The following ATP2B4 variants were observed in gnomAD, a reference collection of about 807,000 sequenced individuals.
ATP2B4 encodes the protein plasma membrane calcium-transporting ATPase 4.
A neutral mutation model predicts 110.3 loss-of-function variants in ATP2B4; 39 were observed. The observed-to-expected ratio is 0.35, with a 90% CI of 0.27 to 0.46. The LOEUF is 0.46. Among genes scored for constraint, ATP2B4 ranks in the 20% least tolerant of loss-of-function variants. The probability of loss-of-function intolerance (pLI) is 1.00; values close to 1 mark genes in which losing one functional copy is unlikely to be tolerated. For missense variants in ATP2B4, 1,135 were observed against 1,530.9 expected (o/e 0.74, Z 4.32); for synonymous variants, 538 against 571.7 (o/e 0.94, Z 0.84).
At chr1:203,662,383 G>T (rs1407844934) in intron 1 of ATP2B4, among the ~76,000 whole-genome samples, 1 of 151,974 alleles carries the variant, frequency 6.6e-6, no homozygotes, top group Non-Finnish European at 1.5e-5. Context: ...CCCAGTGTAG[G>T]TTTCCCATCA....
At chr1:203,655,900 G>GTGTTT (rs1283852231) in intron 1 of ATP2B4, among the ~76,000 whole-genome samples, 3 of 151,710 alleles carry the variant, frequency 2.0e-5, no homozygotes, top group African/African-American at 7.3e-5. Flanking sequence ...CATTAGCGTT[G>GTGTTT]TGTTTTGTTT....
At chr1:203,646,871 C>T (rs533030820) in intron 1 of ATP2B4, among the ~76,000 whole-genome samples, 6 of 152,282 alleles carry the variant, frequency 3.9e-5, no homozygotes, top group Non-Finnish European at 5.9e-5. Flanking sequence ...AAAACTAAAA[C>T]GTTCACAAGT....
intron 1 of ATP2B4, among the ~76,000 whole-genome samples, chr1:203,676,398 TAAG>T (rs1664830004): frequency 6.6e-6 from 1 of 151,942 alleles, no homozygotes. Flanking sequence ...GTCATGGAAA[TAAG>T]GAGCCTGTGA....
At chr1:203,725,793 G>A (rs1571769238) in intron 19 of ATP2B4, among the ~76,000 whole-genome samples, 1 of 151,506 alleles carries the variant, frequency 6.6e-6, no homozygotes, top group South Asian at 2.1e-4. Flanking sequence ...GCCCTAACTG[G>A]CCTCAAAGAG....
Position 203,714,074 on chromosome 1 carries a change from G to A in ATP2B4, c.2300-97G>A, listed in dbSNP as rs184868156. On this transcript the variant is annotated intron_variant, in intron 14 of 20. Coordinates refer to ENST00000357681, the MANE Select transcript of ATP2B4 (RefSeq NM_001684.5). Reference sequence around the variant, plus strand: ...TGTAGAACTTCTAGGAAAGGGAAAAGGGAAGGAAAGAAGAAAGTAGAAGGA... The same window carrying A: ...TGTAGAACTTCTAGGAAAGGGAAAAAGGAAGGAAAGAAGAAAGTAGAAGGA... 31 of 1,195,220 alleles carry A rather than the reference G, an allele frequency of 2.6e-5. No individual in the cohort carries two copies. In the Middle Eastern group the frequency reaches 5.7e-4, roughly 22 times the overall value. 74.0% of individuals were successfully genotyped at this position (1,195,220 alleles called of 1,614,324 possible). A position where few individuals can be genotyped will look rare whatever the true frequency, so the allele number is the denominator to read the frequency against.
intron 1 of ATP2B4, among the ~76,000 whole-genome samples, chr1:203,631,889 G>A (rs933738183): frequency 1.3e-5 from 2 of 152,110 alleles, no homozygotes; most frequent in African/African-American, 4.8e-5. Flanking sequence ...CTGCCTTCCG[G>A]GTTCAAGCAA....
chr1:203,706,743 G>C (rs1665859917), intron 8 of ATP2B4, among the ~76,000 whole-genome samples: 1 of 152,204 alleles, frequency 6.6e-6, no homozygotes, highest in Non-Finnish European at 1.5e-5. Context: ...CAGGCCCAGA[G>C]AGGGTCAATG....
At chr1:203,644,267 A>G (rs1338298108) in intron 1 of ATP2B4, among the ~76,000 whole-genome samples, 1 of 151,940 alleles carries the variant, frequency 6.6e-6, no homozygotes, top group Non-Finnish European at 1.5e-5. Context: ...AAAAAAAAAA[A>G]AAAAGAATGC....
intron 1 of ATP2B4, among the ~76,000 whole-genome samples, chr1:203,634,864 G>A (rs890582308): frequency 3.9e-5 from 6 of 152,132 alleles, no homozygotes; most frequent in African/African-American, 7.2e-5. Context: ...GGGTTTCACC[G>A]TGTTGTCCAG....
rs1482001036 is a variant in ATP2B4, at chr1:203,629,109, A to G, written c.-465+1890A>G. Reference sequence around the variant, plus strand: ...AGGAGAGCTCATCTCGGGGCTGGGGATGCAACAGGAACGATTTGATTTTCA... The same window carrying G: ...AGGAGAGCTCATCTCGGGGCTGGGGGTGCAACAGGAACGATTTGATTTTCA... On this transcript the variant is annotated intron_variant, in intron 1 of 20. Transcript: ENST00000357681. This position sits in a 1 kb window ranked among gnomAD's most constrained non-coding sequence, Gnocchi z 4.6. 1.3e-5 allele frequency among the ~76,000 whole-genome samples: 2 copies of G among 152,116 alleles called. No individual in the cohort carries two copies. The highest frequency in any genetic ancestry group is 2.9e-5 in the Non-Finnish European group (2 of 68,000).
intron 1 of ATP2B4, among the ~76,000 whole-genome samples, chr1:203,662,476 A>G (rs191057328): frequency 6.6e-6 from 1 of 152,234 alleles, no homozygotes; most frequent in Non-Finnish European, 1.5e-5. Flanking sequence ...TCCCCACTCC[A>G]TCCAGCCTGT....
At chr1:203,714,969 G>A (rs1571755348) in intron 15 of ATP2B4, among the ~76,000 whole-genome samples, 1 of 152,146 alleles carries the variant, frequency 6.6e-6, no homozygotes, top group South Asian at 2.1e-4. Context: ...TGCAAAAATA[G>A]GGAGAATTGA....
intron 1 of ATP2B4, among the ~76,000 whole-genome samples, chr1:203,674,470 T>C (rs1426934986): frequency 7.2e-6 from 1 of 139,758 alleles, no homozygotes; most frequent in Non-Finnish European, 1.6e-5. Flanking sequence ...GACTGCCCTT[T>C]CTCATCTTGA....
intron 2 of ATP2B4, among the ~76,000 whole-genome samples, chr1:203,695,643 CAA>C (rs1558037706): frequency 6.6e-6 from 1 of 152,142 alleles, no homozygotes; most frequent in Non-Finnish European, 1.5e-5. Context: ...AATGTGGTCT[CAA>C]AAGAGGGCCC....
chr1:203,687,279 AAAGAAAGG>A (rs1411317499), intron 2 of ATP2B4, among the ~76,000 whole-genome samples: 6 of 148,902 alleles, frequency 4.0e-5, no homozygotes, highest in Admixed American at 3.4e-4. Context: ...AAAAGAAAGA[AAAGAAAGG>A]AAGAAAGAAA....
chr1:203,703,164 CGAGAGAGAGAGAGA>C lies in ATP2B4; in HGVS notation c.938-467_938-454del, dbSNP rs144760902. Reference sequence around the variant, plus strand: ...GGGTATGTGTTTCTTCCCTGACAATCGAGAGAGAGAGAGAGAGAGAGAGAGAGAGAGAGATAAAC... The same window carrying C: ...GGGTATGTGTTTCTTCCCTGACAATCGAGAGAGAGAGAGAGAGAGATAAAC... On this transcript the variant is annotated intron_variant, in intron 7 of 20. Coordinates refer to ENST00000357681, the MANE Select transcript of ATP2B4 (RefSeq NM_001684.5). 8.3e-5 allele frequency among the ~76,000 whole-genome samples: 12 copies of C among 145,250 alleles called. No individual in the cohort carries two copies. The South Asian group carries it at 8.8e-4, about 11-fold the overall frequency.
intron 1 of ATP2B4, among the ~76,000 whole-genome samples, chr1:203,666,935 T>C (rs1247495990): frequency 6.6e-6 from 1 of 152,214 alleles, no homozygotes; most frequent in Non-Finnish European, 1.5e-5. Context: ...TTGTGAGCTC[T>C]CTAGCACCTT....
intron 1 of ATP2B4, among the ~76,000 whole-genome samples, chr1:203,633,620 C>A (rs770042121): frequency 1.3e-5 from 2 of 151,492 alleles, no homozygotes; most frequent in South Asian, 2.1e-4. Flanking sequence ...AAAAATTAGC[C>A]GGAAATCGAT....
chr1:203,640,044 T>C (rs1663579855), intron 1 of ATP2B4, among the ~76,000 whole-genome samples: 1 of 152,228 alleles, frequency 6.6e-6, no homozygotes, highest in African/African-American at 2.4e-5. Context: ...GTTTGTATAA[T>C]ATCGCCTTTC....
Sources: allele counts gnomAD v4.1 joint callset (sites outside exome capture counted in the v4.1 genomes callset), GRCh38; gene constraint gnomAD v4.1.1; non-coding constraint Gnocchi (gnomAD v3.1); transcripts MANE v1.5; gene names NCBI Gene and HGNC (gene_info 2026-07-23, HGNC 2026-07-21).